PDE3B: variants seen among roughly 807,000 people sequenced by gnomAD.
PDE3B encodes the protein phosphodiesterase 3B.
Under a neutral mutation model 116.8 loss-of-function variants are expected in PDE3B, and 66 were observed. The observed-to-expected ratio is 0.56, with a 90% CI of 0.46 to 0.69. The LOEUF (loss-of-function observed/expected upper bound fraction) is 0.69, where lower values mean the gene tolerates loss of function less well. PDE3B is among the 30% of genes least tolerant of loss of function. The pLI, the probability that PDE3B is intolerant of heterozygous loss-of-function variation, is 0.00. For missense variants in PDE3B, 1,384 were observed against 1,368.1 expected (o/e 1.01, Z -0.18); for synonymous variants, 595 against 533.6 (o/e 1.12, Z -1.59).
At chr11:14,858,636 A>G (rs2133988965) in intron 12 of PDE3B, among the ~76,000 whole-genome samples, 1 of 152,300 alleles carries the variant, frequency 6.6e-6, no homozygotes, top group African/African-American at 2.4e-5. Context: ...CAGAATGACT[A>G]AACAACAGAA....
intron 4 of PDE3B, among the ~76,000 whole-genome samples, chr11:14,799,674 A>G (rs572335344): frequency 7.0e-4 from 104 of 149,350 alleles, no homozygotes; most frequent in African/African-American, 2.5e-3. Context: ...TCCGTTTACC[A>G]TTATGTAATG....
intron 1 of PDE3B, among the ~76,000 whole-genome samples, chr11:14,672,026 A>ATAT (rs1471684842): frequency 5.9e-5 from 7 of 118,058 alleles, no homozygotes; most frequent in African/African-American, 2.4e-4. Context: ...TGAAAAAAAA[A>ATAT]AAATATATAT....
At chr11:14,824,716 T>A (rs1859633250) in intron 7 of PDE3B, among the ~76,000 whole-genome samples, 1 of 152,172 alleles carries the variant, frequency 6.6e-6, no homozygotes, top group Non-Finnish European at 1.5e-5. Flanking sequence ...TATTTCAGGA[T>A]ATCATCCATG....
At chr11:14,765,725 A>G (rs1430245582) in intron 1 of PDE3B, among the ~76,000 whole-genome samples, 1 of 151,408 alleles carries the variant, frequency 6.6e-6, no homozygotes, top group Non-Finnish European at 1.5e-5. Flanking sequence ...CTTTCATTAA[A>G]TGATGTCTTA....
chr11:14,852,738 C>T (rs1847778102), intron 12 of PDE3B, among the ~76,000 whole-genome samples: 1 of 152,072 alleles, frequency 6.6e-6, no homozygotes, highest in African/African-American at 2.4e-5. Flanking sequence ...CAGAATGTGA[C>T]CCTGTTTCAG....
At chr11:14,867,869 A>G (rs1848076872) in intron 15 of PDE3B, 111 bp downstream of exon 15, 6 of 810,064 alleles carry the variant, frequency 7.4e-6, no homozygotes, top group Non-Finnish European at 5.7e-6. Context: ...GAGTGCCAGC[A>G]TGGTGCTCAA....
intron 1 of PDE3B, among the ~76,000 whole-genome samples, chr11:14,731,505 A>G (rs1856458721): frequency 1.3e-5 from 2 of 151,854 alleles, no homozygotes; most frequent in African/African-American, 4.8e-5. Context: ...TGATCTGCCC[A>G]CTTCAGCCTC....
the PDE3B span, among the ~76,000 whole-genome samples, chr11:14,885,610 A>G: frequency 6.6e-6 from 1 of 152,202 alleles, no homozygotes; most frequent in Non-Finnish European, 1.5e-5. Context: ...GGTCTAAAAT[A>G]TGCGTGTAGT....
chr11:14,821,780 A>C (rs1347561103), intron 7 of PDE3B, among the ~76,000 whole-genome samples: 1 of 152,206 alleles, frequency 6.6e-6, no homozygotes, highest in Non-Finnish European at 1.5e-5. Context: ...TATTATGTAT[A>C]ACATCTTGTA....
chr11:14,850,327 G>A (rs1172224697), intron 12 of PDE3B, among the ~76,000 whole-genome samples: 1 of 152,010 alleles, frequency 6.6e-6, no homozygotes, highest in Non-Finnish European at 1.5e-5. Context: ...ATCACACTCT[G>A]GGGACTGTTG....
chr11:14,671,570 A>T (rs934810044), intron 1 of PDE3B, among the ~76,000 whole-genome samples: 1 of 152,144 alleles, frequency 6.6e-6, no homozygotes, highest in African/African-American at 2.4e-5. Context: ...ATTTATGTTT[A>T]AAAAAGATTA....
chr11:14,815,873 A>C (rs1435595852), intron 5 of PDE3B, among the ~76,000 whole-genome samples: 1 of 152,148 alleles, frequency 6.6e-6, no homozygotes, highest in African/African-American at 2.4e-5. Flanking sequence ...GGAAATTAAA[A>C]AGTAAAGGTA....
At chr11:14,647,856 TG>T (rs962767246) in intron 1 of PDE3B, among the ~76,000 whole-genome samples, 4 of 152,010 alleles carry the variant, frequency 2.6e-5, no homozygotes, top group Admixed American at 1.3e-4. Context: ...GTAAAACATT[TG>T]ATTTTATAAT....
chr11:14,675,038 G>A (rs1347239956), intron 1 of PDE3B, among the ~76,000 whole-genome samples: 4 of 152,152 alleles, frequency 2.6e-5, no homozygotes. Context: ...TTTCTATTAA[G>A]GCAGTTTGGG....
chr11:14,872,413 T>C (rs6486207), downstream of PDE3B, among the ~76,000 whole-genome samples: 7 of 152,234 alleles, frequency 4.6e-5, no homozygotes, highest in African/African-American at 1.7e-4. Flanking sequence ...AATAACAGCA[T>C]GTACAGAGGC....
At chr11:14,714,436 G>A (rs917570883) in intron 1 of PDE3B, among the ~76,000 whole-genome samples, 1 of 151,194 alleles carries the variant, frequency 6.6e-6, no homozygotes, top group South Asian at 2.1e-4. Context: ...GCTACTCAGG[G>A]TATTGAGGCA....
At chr11:14,667,517 G>C (rs991739054) in intron 1 of PDE3B, among the ~76,000 whole-genome samples, 1 of 151,494 alleles carries the variant, frequency 6.6e-6, no homozygotes, top group African/African-American at 2.4e-5. Context: ...CATAAAAAAG[G>C]ATGAGTTCAT....
chr11:14,726,411 T>G (rs1856308447), intron 1 of PDE3B, among the ~76,000 whole-genome samples: 1 of 152,104 alleles, frequency 6.6e-6, no homozygotes, highest in African/African-American at 2.4e-5. Context: ...TTTTTTTTAG[T>G]GAATGAATGA....
chr11:14,749,557 A>G (rs920675941), intron 1 of PDE3B, among the ~76,000 whole-genome samples: 13 of 152,098 alleles, frequency 8.5e-5, no homozygotes, highest in African/African-American at 2.9e-4. Context: ...TGACAATCAT[A>G]AAATATTTGA....
Sources: gnomAD v4.1 joint callset for allele counts (sites outside exome capture counted in the v4.1 genomes callset) on GRCh38, gnomAD v4.1.1 for gene constraint, MANE v1.5 for transcripts, NCBI Gene and HGNC (gene_info 2026-07-23, HGNC 2026-07-21) for gene names.